Variants in GPAT3 observed in about 807,000 individuals in gnomAD.
The protein encoded by GPAT3 is glycerol-3-phosphate acyltransferase 3.
Under a neutral mutation model 58.8 loss-of-function variants are expected in GPAT3, and 53 were observed. The observed-to-expected ratio is 0.90, with a 90% CI of 0.72 to 1.13. GPAT3 has a LOEUF of 1.13. Among genes scored for constraint, GPAT3 ranks in the 50% most tolerant of loss-of-function variants. The pLI, the probability that GPAT3 is intolerant of heterozygous loss-of-function variation, is 0.00. For synonymous variants in GPAT3, 197 were observed against 187.4 expected (o/e 1.05, Z -0.42); for missense variants, 511 against 527.6 (o/e 0.97, Z 0.31).
At position 83,544,525 on chromosome 4, in the gene GPAT3, T is replaced by C; in HGVS notation, c.142-11T>C. The C allele has an allele frequency of 6.2e-7, 1 of 1,613,232 alleles. No homozygotes were observed. Among genetic ancestry groups the C allele is most frequent in the East Asian group, 2.2e-5 (1 of 44,848 alleles). On this transcript the variant is annotated splice_polypyrimidine_tract_variant and intron_variant, in intron 1 of 11. Transcript: ENST00000264409. ...GGACAGTTTAAATTAATATTTCTTG[T>C]TTTTGAACAGTGGGCCACAATACGA...
chr4:83,539,335 A>G (rs543271063), intron 1 of GPAT3, among the ~76,000 whole-genome samples: 1 of 152,302 alleles, frequency 6.6e-6, no homozygotes, highest in East Asian at 1.9e-4. Context: ...TTTACATTTC[A>G]TTCCCAAGAA....
intron 11 of GPAT3, among the ~76,000 whole-genome samples, chr4:83,601,779 A>G (rs1481177670): frequency 6.6e-6 from 1 of 152,234 alleles, no homozygotes; most frequent in African/African-American, 2.4e-5. Context: ...CAAATAAATA[A>G]AATTTGTTAT....
At position 83,598,832 on chromosome 4, in the gene GPAT3, G is replaced by GAT. The variant is rs1726952742; in HGVS notation, c.1205+110_1205+111dup. ...TACCCAGGCTGGAGTGCAGTAGCAT[G>GAT]ATCATAGTTCACTGTAGCCTGATCA... On this transcript the variant is annotated intron_variant, in intron 11 of 11. Transcript: ENST00000264409. The GAT allele has an allele frequency of 8.1e-6, 6 of 736,212 alleles. No homozygotes were observed. The South Asian group carries it at 1.2e-4, about 14-fold the overall frequency. 45.6% of individuals were successfully genotyped at this position (736,212 alleles called of 1,614,324 possible).
chr4:83,536,895 T>G, intron 1 of GPAT3, 132 bp downstream of exon 1: 1 of 819,580 alleles, frequency 1.2e-6, no homozygotes, highest in Non-Finnish European at 1.9e-6. Context: ...TGCATTTCTG[T>G]TCCTTGCCCG....
chr4:83,580,767 A>G (rs1726082683), intron 2 of GPAT3, among the ~76,000 whole-genome samples: 1 of 152,134 alleles, frequency 6.6e-6, no homozygotes, highest in Non-Finnish European at 1.5e-5. Flanking sequence ...ACTTTTATGC[A>G]GGAGGCTGTG....
chr4:83,539,334 C>A (rs1376806419), intron 1 of GPAT3, among the ~76,000 whole-genome samples: 5 of 152,202 alleles, frequency 3.3e-5, no homozygotes, highest in African/African-American at 7.2e-5. Flanking sequence ...CTTTACATTT[C>A]ATTCCCAAGA....
At chr4:83,579,081 C>CTTCCCTT (rs1725993896) in intron 2 of GPAT3, among the ~76,000 whole-genome samples, 33 of 19,538 alleles carry the variant, frequency 1.7e-3, no homozygotes, top group Admixed American at 3.7e-3. Context: ...TTTCTTTCTT[C>CTTCCCTT]CCTTCCTTCC....
chr4:83,578,680 T>G (rs1560620144), intron 2 of GPAT3, among the ~76,000 whole-genome samples: 2 of 152,194 alleles, frequency 1.3e-5, no homozygotes, highest in African/African-American at 4.8e-5. Flanking sequence ...GATTGAGTAA[T>G]GGGCTTTGAG....
At chr4:83,584,210 A>G (rs999989992) in intron 3 of GPAT3, among the ~76,000 whole-genome samples, 1 of 152,238 alleles carries the variant, frequency 6.6e-6, no homozygotes, top group Non-Finnish European at 1.5e-5. Flanking sequence ...GTGACTTAAA[A>G]TATTTTTGCA....
chr4:83,536,258 C>G lies in GPAT3; in HGVS notation c.-365C>G. On this transcript the variant is annotated 5_prime_UTR_variant, in exon 1 of 12. Coordinates refer to ENST00000264409, the MANE Select transcript of GPAT3 (RefSeq NM_032717.5). ...TCGCCACCCAGAGGAAATCAGGCAC[C>G]GGGCGGGGCGGGTTCCTGGCTGCGC... 2 of 1,016,954 alleles carry G rather than the reference C, an allele frequency of 2.0e-6. No homozygotes were observed. The highest frequency in any genetic ancestry group is 2.4e-6 in the Non-Finnish European group (2 of 850,778). The allele number at this position is 1,016,954 out of a possible 1,614,324, so 63.0% of individuals were successfully genotyped here.
chr4:83,581,095 CAAAAA>C (rs35894737), intron 2 of GPAT3, among the ~76,000 whole-genome samples: 2 of 70,292 alleles, frequency 2.8e-5, no homozygotes, highest in African/African-American at 1.6e-4. Context: ...GACTCCGTCT[CAAAAA>C]AAAAAAAAAA....
At chr4:83,562,199 A>AT (rs5859879) in intron 2 of GPAT3, among the ~76,000 whole-genome samples, 4,270 of 35,460 alleles carry the variant, frequency 0.12, 346 homozygotes, top group African/African-American at 0.33. Context: ...ATATATATAT[A>AT]ATATATATAT....
At position 83,579,278 on chromosome 4, in the gene GPAT3, TTCCCC is replaced by T. The variant is rs1246782805; in HGVS notation, c.209-2260_209-2256del. Among the ~76,000 whole-genome samples the T allele has an allele frequency of 6.6e-3, 496 of 75,392 alleles. 3 individuals are homozygous for T. The highest frequency in any genetic ancestry group is 9.9e-3 in the Non-Finnish European group (389 of 39,102). 49.5% of individuals were successfully genotyped at this position (75,392 alleles called of 152,430 possible). A position where few individuals can be genotyped will look rare whatever the true frequency, so the allele number is the denominator to read the frequency against. On this transcript the variant is annotated intron_variant, in intron 2 of 11. Transcript: ENST00000264409. ...CTTCCCTTCCCGCCCCTCCCCTCTG[TTCCCC>T]TCCCCTCCCCTCCCCTCCCCTCCTC...
intron 2 of GPAT3, among the ~76,000 whole-genome samples, chr4:83,572,833 T>C (rs891367478): frequency 2.0e-5 from 3 of 152,238 alleles, no homozygotes; most frequent in African/African-American, 7.2e-5. Flanking sequence ...CTTAGCCAAG[T>C]GGCCTAACTT....
intron 1 of GPAT3, among the ~76,000 whole-genome samples, chr4:83,543,418 G>A (rs1381296170): frequency 6.6e-6 from 1 of 151,964 alleles, no homozygotes; most frequent in African/African-American, 2.4e-5. Flanking sequence ...GAATAATTTG[G>A]GAAATGTGTA....
chr4:83,579,081 C>CCCTTCCTTCCTT lies in GPAT3; in HGVS notation c.209-2444_209-2433dup, dbSNP rs778000097. Among the ~76,000 whole-genome samples the CCCTTCCTTCCTT allele has an allele frequency of 8.7e-3, 171 of 19,632 alleles. 6 individuals carry two copies. Among genetic ancestry groups the CCCTTCCTTCCTT allele is most frequent in the Middle Eastern group, 0.056 (1 of 18 alleles). The allele number at this position is 19,632 out of a possible 152,430, so 12.9% of individuals were successfully genotyped here. On this transcript the variant is annotated intron_variant, in intron 2 of 11. Transcript: ENST00000264409. ...TTCTTTCTTTCTTTCTTTCTTTCTTCCCTTCCTTCCTTCCTTCCTTCCTTC... is the reference window on the plus strand; with the variant it reads ...TTCTTTCTTTCTTTCTTTCTTTCTTCCCTTCCTTCCTTCCTTCCTTCCTTCCTTCCTTCCTTC...
chr4:83,560,764 A>G (rs1225019693), intron 2 of GPAT3, among the ~76,000 whole-genome samples: 1 of 152,158 alleles, frequency 6.6e-6, no homozygotes, highest in Admixed American at 6.6e-5. Context: ...TCCCCATGGT[A>G]CTGTCCTCAT....
chr4:83,597,553 A>T, intron 9 of GPAT3, 38 bp downstream of exon 9: 3 of 1,294,308 alleles, frequency 2.3e-6, no homozygotes, highest in Non-Finnish European at 3.2e-6. Flanking sequence ...TAATTATTAT[A>T]AAGATATTGG....
chr4:83,587,768 C>A (rs1726433855), intron 4 of GPAT3, among the ~76,000 whole-genome samples: 1 of 152,146 alleles, frequency 6.6e-6, no homozygotes, highest in Admixed American at 6.6e-5. Context: ...TATTAGAATC[C>A]TGCTCACTTC....
Sources: gnomAD v4.1 joint callset for allele counts (sites outside exome capture counted in the v4.1 genomes callset) on GRCh38, gnomAD v4.1.1 for gene constraint, MANE v1.5 for transcripts, NCBI Gene and HGNC (gene_info 2026-07-23, HGNC 2026-07-21) for gene names.